Variants in SYNE1 observed in about 807,000 individuals in gnomAD.
SYNE1 encodes the protein spectrin repeat containing nuclear envelope protein 1, also known as nesprin-1.
In SYNE1, 616 loss-of-function variants were observed where a neutral mutation model predicts 1,111.0. The ratio of observed to expected loss-of-function variants is 0.55; its 90% CI spans 0.52 to 0.59. The LOEUF is 0.59. SYNE1 is among the 20% of genes least tolerant of loss of function. SYNE1 has a pLI of 0.00. For synonymous variants in SYNE1, 3,855 were observed against 3,825.8 expected (o/e 1.01, Z -0.28); for missense variants, 10,006 against 10,417.0 (o/e 0.96, Z 1.72).
intron 116 of SYNE1, 104 bp downstream of exon 116, chr6:152,225,617 T>C (rs2153484269): frequency 1.5e-6 from 2 of 1,354,468 alleles, no homozygotes; most frequent in Non-Finnish European, 2.1e-6. Flanking sequence ...AGATAATGTA[T>C]AGATTTGATT....
intron 28 of SYNE1, among the ~76,000 whole-genome samples, chr6:152,449,093 G>GAA (rs553347953): frequency 6.6e-4 from 101 of 152,330 alleles, no homozygotes; most frequent in Middle Eastern, 3.4e-3. Context: ...GATAGAGGCT[G>GAA]AAATGAACCA....
chr6:152,230,784 A>G (rs1333421718), intron 114 of SYNE1, 82 bp from the exon 115 acceptor site: 3 of 1,444,382 alleles, frequency 2.1e-6, no homozygotes, highest in Non-Finnish European at 2.9e-6. Flanking sequence ...TCTAGCCAGT[A>G]TTTTCTCCAA....
In SYNE1 at chr6:152,354,751, C is replaced by T; in HGVS notation, c.10834G>A (p.Glu3612Lys). The T allele has an allele frequency of 6.2e-7, 1 of 1,614,216 alleles. No individual in the cohort carries two copies. The highest frequency in any genetic ancestry group is 8.5e-7 in the Non-Finnish European group (1 of 1,180,044). The change falls in exon 67 of 146, where the codon GAA becomes AAA. Residue 3612 changes from glutamate (E) to lysine (K), a missense_variant. By Grantham distance (56) the Glu-to-Lys change is moderately conservative. Coordinates refer to ENST00000367255, the MANE Select transcript of SYNE1 (RefSeq NM_182961.4). Reference sequence around the variant, plus strand: ...TTCTCCTCTGCTGTTTTGAGCCATTCATCTACTTGCTGAAACTTTTGCTCC... The same window carrying T: ...TTCTCCTCTGCTGTTTTGAGCCATTTATCTACTTGCTGAAACTTTTGCTCC... ...LMEQKFQQVD[E>K]WLKTAEEKVS...
intron 4 of SYNE1, among the ~76,000 whole-genome samples, chr6:152,537,997 G>A (rs1303299321): frequency 1.3e-5 from 2 of 152,138 alleles, no homozygotes; most frequent in Non-Finnish European, 2.9e-5. Context: ...ATGTATACCT[G>A]GATTACCATG....
intron 4 of SYNE1, among the ~76,000 whole-genome samples, chr6:152,532,691 T>C (rs951373136): frequency 3.3e-5 from 5 of 152,166 alleles, no homozygotes; most frequent in African/African-American, 1.2e-4. Context: ...CTGTGCACCC[T>C]TGAAACCTCT....
chr6:152,367,069 C>T, intron 62 of SYNE1, 149 bp downstream of exon 62: 2 of 956,956 alleles, frequency 2.1e-6, no homozygotes, highest in Non-Finnish European at 3.4e-6. Flanking sequence ...CTGGCATGTG[C>T]ACCCAAGGCA....
chr6:152,236,951 A>G lies in SYNE1; in HGVS notation c.20068-3T>C, dbSNP rs753214755. ...TCCTCATCCAGATGGGACCACGTCTAGAAACACAACATGAGTCTGTGAGCT... is the reference window on the plus strand; with the variant it reads ...TCCTCATCCAGATGGGACCACGTCTGGAAACACAACATGAGTCTGTGAGCT... On this transcript the variant is annotated splice_polypyrimidine_tract_variant and splice_region_variant and intron_variant, in intron 108 of 145. Transcript: ENST00000367255. 6.2e-7 allele frequency: 1 copy of G among 1,613,610 alleles called. No individual in the cohort carries two copies. The highest frequency in any genetic ancestry group is 2.2e-5 in the East Asian group (1 of 44,846).
Position 152,417,022 on chromosome 6 carries a change from G to A in SYNE1, c.5422-7C>T, listed in dbSNP as rs757136765. 31 of 1,613,656 alleles carry A rather than the reference G, an allele frequency of 1.9e-5. No individual in the cohort carries two copies. The highest frequency in any genetic ancestry group is 1.6e-4 in the Middle Eastern group (1 of 6,082). On this transcript the variant is annotated splice_polypyrimidine_tract_variant and splice_region_variant and intron_variant, in intron 40 of 145. Transcript: ENST00000367255. ...CTACTTCTGCTGCGTGGTCCTGGAA[G>A]GGAAGAGAGAGTTATTGATTCCTGA... is the stretch of plus-strand genomic sequence containing the variant.
At chr6:152,621,187 A>G (rs989583526) in intron 3 of SYNE1, among the ~76,000 whole-genome samples, 14 of 152,186 alleles carry the variant, frequency 9.2e-5, no homozygotes, top group Non-Finnish European at 1.9e-4. Flanking sequence ...TGGCTGACAT[A>G]GGTGGATATA....
intron 105 of SYNE1, among the ~76,000 whole-genome samples, chr6:152,247,855 AAC>A (rs10592346): frequency 0.26 from 23,701 of 89,480 alleles, 2,085 homozygotes; most frequent in African/African-American, 0.39. Flanking sequence ...GGTGTTCTTT[AAC>A]ACACACACAC....
chr6:152,273,746 A>AC (rs2093386720), intron 98 of SYNE1, among the ~76,000 whole-genome samples: 1 of 152,272 alleles, frequency 6.6e-6, no homozygotes, highest in Non-Finnish European at 1.5e-5. Flanking sequence ...TTCTTGTGTG[A>AC]TAATAGCTAG....
chr6:152,190,343 C>T (rs1243963802), intron 127 of SYNE1, among the ~76,000 whole-genome samples: 2 of 152,156 alleles, frequency 1.3e-5, no homozygotes, highest in African/African-American at 2.4e-5. Context: ...GTCTTGAACC[C>T]CCTCAAAGTC....
Position 152,539,630 on chromosome 6 carries a change from AAC to A in SYNE1, c.129+328_129+329del, listed in dbSNP as rs1307763781. ...CTTCTTTGTGTTCCAAATAGGAACA[AAC>A]ACACACAAACAAAAATCCAGCACAA... is the stretch of plus-strand genomic sequence containing the variant. On this transcript the variant is annotated intron_variant, in intron 4 of 145. Transcript: ENST00000367255. Among the ~76,000 whole-genome samples, 3 of 152,316 alleles carry A rather than the reference AAC, an allele frequency of 2.0e-5. No individual in the cohort carries two copies. In the East Asian group the frequency reaches 5.8e-4, roughly 29 times the overall value.
chr6:152,239,763 C>A, intron 107 of SYNE1, 57 bp from the exon 108 acceptor site: 1 of 1,607,030 alleles, frequency 6.2e-7, no homozygotes, highest in South Asian at 1.1e-5. Flanking sequence ...ATGTTAGAAT[C>A]AAAATTGGTT....
At chr6:152,501,474 C>A (rs2099029634) in intron 10 of SYNE1, among the ~76,000 whole-genome samples, 1 of 152,178 alleles carries the variant, frequency 6.6e-6, no homozygotes, top group South Asian at 2.1e-4. Flanking sequence ...GTGGCTCATG[C>A]CTGTGATCCC....
chr6:152,358,487 C>T lies in SYNE1; in HGVS notation c.10494G>A (p.Gln3498=). ...AAACTTCAAATGCCTTTAGGTCTCT[C>T]TGATACTCTTGGTGCAGGCGGACAA... ...EKLVRLHQEY[Q]RDLKAFEVWL... is the part of the protein sequence containing the mutation. Residue 3498 remains glutamine (Q), a synonymous_variant, in exon 66 of 146, where the codon CAG becomes CAA. Transcript: ENST00000367255. 1 of 1,614,178 alleles carries T rather than the reference C, an allele frequency of 6.2e-7. No homozygotes were observed. The highest frequency in any genetic ancestry group is 8.5e-7 in the Non-Finnish European group (1 of 1,180,024).
intron 96 of SYNE1, among the ~76,000 whole-genome samples, chr6:152,283,544 T>C (rs2094150634): frequency 6.6e-6 from 1 of 152,178 alleles, no homozygotes; most frequent in Non-Finnish European, 1.5e-5. Context: ...TGTTTGTTTG[T>C]TTGCTTTTTT....
chr6:152,596,098 T>TAAA lies in SYNE1; in HGVS notation c.67+32164_67+32166dup, dbSNP rs71017542. On this transcript the variant is annotated intron_variant, in intron 3 of 145. Transcript: ENST00000367255. ...AGTGTGCCTGGCAAAAAGGGCAATC[T>TAAA]AAAAAAAAAAAAAAAAAAAAAAAAA... 6.4e-3 allele frequency among the ~76,000 whole-genome samples: 119 copies of TAAA among 18,576 alleles called. 16 individuals are homozygous for TAAA. Among genetic ancestry groups the TAAA allele is most frequent in the African/African-American group, 0.016 (94 of 6,056 alleles). The allele number at this position is 18,576 out of a possible 152,430, so 12.2% of individuals were successfully genotyped here.
intron 23 of SYNE1, 134 bp downstream of exon 23, chr6:152,455,752 A>T (rs2154257844): frequency 7.1e-7 from 1 of 1,402,486 alleles, no homozygotes; most frequent in Non-Finnish European, 9.9e-7. Flanking sequence ...TAGGTAAAAA[A>T]GTAGGACAAT....
Sources: allele counts gnomAD v4.1 joint callset (sites outside exome capture counted in the v4.1 genomes callset), GRCh38; gene constraint gnomAD v4.1.1; transcripts MANE v1.5; gene names NCBI Gene and HGNC (gene_info 2026-07-23, HGNC 2026-07-21).